STON2: variants seen among roughly 807,000 people sequenced by gnomAD.
The protein encoded by STON2 is stonin 2, also known as stonin-2.
STON2 carries 29 observed loss-of-function variants against 65.7 expected under a neutral mutation model. The ratio of observed to expected loss-of-function variants is 0.44; its 90% CI spans 0.33 to 0.60. The LOEUF (loss-of-function observed/expected upper bound fraction) is 0.60, where lower values mean the gene tolerates loss of function less well. Among genes scored for constraint, STON2 ranks in the 20% least tolerant of loss-of-function variants. STON2 has a pLI of 0.03. For missense variants in STON2, 1,054 were observed against 1,118.1 expected (o/e 0.94, Z 0.82); for synonymous variants, 404 against 414.2 (o/e 0.98, Z 0.30).
chr14:81,301,720 A>C (rs1404027547), intron 5 of STON2, among the ~76,000 whole-genome samples: 1 of 152,190 alleles, frequency 6.6e-6, no homozygotes, highest in Non-Finnish European at 1.5e-5. Flanking sequence ...TTACTCAAAA[A>C]CTTGAAGGGT....
intron 4 of STON2, among the ~76,000 whole-genome samples, chr14:81,342,493 C>G (rs1232372118): frequency 1.3e-5 from 2 of 152,144 alleles, no homozygotes; most frequent in Non-Finnish European, 1.5e-5. Context: ...TGTCACAGTG[C>G]AGGGCAAGGT....
rs542816841 is a variant in STON2 at position 81,349,774 on chromosome 14, C to A, written c.571+21214G>T. ...TCTGTTTATCAAAGGTGTATCAGCA[C>A]CCCCATGTTTATTGTATCACTATTT... On this transcript the variant is annotated intron_variant, in intron 4 of 7. Coordinates refer to ENST00000614646, the MANE Select transcript of STON2 (RefSeq NM_001394390.1). 5.9e-5 allele frequency among the ~76,000 whole-genome samples: 9 copies of A among 152,176 alleles called. No individual in the cohort carries two copies. In the East Asian group the frequency reaches 1.4e-3, roughly 23 times the overall value.
chr14:81,390,824 G>A (rs1900045946), intron 3 of STON2, among the ~76,000 whole-genome samples: 1 of 152,212 alleles, frequency 6.6e-6, no homozygotes, highest in Non-Finnish European at 1.5e-5. Context: ...GAATCACTGT[G>A]CTAAAATCAA....
rs1894311681 is a variant in STON2 at position 81,265,241 on chromosome 14, C to G, written c.*3173G>C. ...AAACCTAGTAAAACACTCATTACGT[C>G]TAAAAATATATAGTATTATTATCCC... On this transcript the variant is annotated 3_prime_UTR_variant, in exon 8 of 8. Coordinates refer to ENST00000614646, the MANE Select transcript of STON2 (RefSeq NM_001394390.1). The G allele has an allele frequency of 1.0e-6, 1 of 983,920 alleles. No individual in the cohort carries two copies. Among genetic ancestry groups the G allele is most frequent in the Non-Finnish European group, 1.2e-6 (1 of 828,644 alleles). The allele number at this position is 983,920 out of a possible 1,614,324, so 60.9% of individuals were successfully genotyped here.
intron 5 of STON2, among the ~76,000 whole-genome samples, chr14:81,280,605 C>T (rs187402310): frequency 3.3e-4 from 51 of 152,244 alleles, no homozygotes; most frequent in African/African-American, 7.2e-5. Flanking sequence ...TCAGCAATGC[C>T]GCACATAATT....
intron 4 of STON2, among the ~76,000 whole-genome samples, chr14:81,339,873 C>T (rs563053620): frequency 5.9e-5 from 9 of 152,120 alleles, no homozygotes; most frequent in Non-Finnish European, 1.2e-4. Context: ...AGCTGAGTAA[C>T]GCTGGGCGTG....
chr14:81,420,295 C>T (rs1164693526), intron 2 of STON2, among the ~76,000 whole-genome samples: 1 of 152,162 alleles, frequency 6.6e-6, no homozygotes, highest in Non-Finnish European at 1.5e-5. Flanking sequence ...AGAATCAATG[C>T]TGGTATGCAA....
rs747989731 is a variant in STON2 at position 81,270,852 on chromosome 14, AAC to A, written c.2600_2601del (p.Cys867PhefsTer6). On this transcript the variant is annotated frameshift_variant, in exon 7 of 8. Coordinates refer to ENST00000614646, the MANE Select transcript of STON2 (RefSeq NM_001394390.1). LOFTEE classifies it high-confidence loss of function. ...DKNSASGHPH[C>X]FFCHLELGSD... ...GAGCCGAGTTCAAGGTGGCAAAAGA[AAC>A]AGTGTGGGTGACCGGAAGCTATGAA... The A allele has an allele frequency of 6.2e-7, 1 of 1,613,310 alleles. No homozygotes were observed.
chr14:81,279,659 C>A (rs565525605), intron 5 of STON2, among the ~76,000 whole-genome samples: 26 of 151,770 alleles, frequency 1.7e-4, no homozygotes, highest in Non-Finnish European at 3.2e-4. Context: ...CCACTGCACT[C>A]CAGCCTGGGC....
At chr14:81,270,952 T>G (rs1894561669) in intron 6 of STON2, 80 bp from the exon 7 acceptor site, 9 of 1,528,682 alleles carry the variant, frequency 5.9e-6, no homozygotes, top group Non-Finnish European at 7.9e-6. Flanking sequence ...ACTTTGGTAA[T>G]AAAGGAGGCC....
chr14:81,294,699 G>T (rs1390378120), intron 5 of STON2, among the ~76,000 whole-genome samples: 23 of 152,120 alleles, frequency 1.5e-4, no homozygotes. Context: ...GAATTGTGGG[G>T]CCTTTGATAA....
intron 3 of STON2, 135 bp from the exon 4 acceptor site, chr14:81,371,320 T>C (rs1172350068): frequency 2.6e-6 from 2 of 780,772 alleles, no homozygotes; most frequent in Non-Finnish European, 2.0e-6. Context: ...AAGTCTTGTA[T>C]GGAGAGTATC....
Position 81,264,979 on chromosome 14 carries a change from ATATCTAAT to A in STON2, c.*3427_*3434del, listed in dbSNP as rs1033263260. The A allele has an allele frequency of 1.4e-5, 14 of 984,548 alleles. No homozygotes were observed. In the African/African-American group the frequency reaches 2.3e-4, roughly 16 times the overall value. The allele number at this position is 984,548 out of a possible 1,614,324, so 61.0% of individuals were successfully genotyped here. A position where few individuals can be genotyped will look rare whatever the true frequency, so the allele number is the denominator to read the frequency against. On this transcript the variant is annotated 3_prime_UTR_variant, in exon 8 of 8. Coordinates refer to ENST00000614646, the MANE Select transcript of STON2 (RefSeq NM_001394390.1). ...AAAGCACAGCTCTTGATACCACGTG[ATATCTAAT>A]TTATGTTCTAAGAGTAATACTATGT...
At chr14:81,355,182 A>G (rs1402934199) in intron 4 of STON2, among the ~76,000 whole-genome samples, 1 of 152,144 alleles carries the variant, frequency 6.6e-6, no homozygotes, top group Non-Finnish European at 1.5e-5. Context: ...CACAACAGAA[A>G]TTCAAGAAGG....
chr14:81,326,383 G>A (rs573229335), intron 4 of STON2, among the ~76,000 whole-genome samples: 1 of 152,294 alleles, frequency 6.6e-6, no homozygotes, highest in South Asian at 2.1e-4. Context: ...CTCAGATTTT[G>A]CGAGATTGGC....
At chr14:81,373,666 A>G (rs1431799975) in intron 3 of STON2, among the ~76,000 whole-genome samples, 1 of 152,186 alleles carries the variant, frequency 6.6e-6, no homozygotes, top group East Asian at 1.9e-4. Context: ...TCTCTTATGA[A>G]GAAGGCAAAC....
intron 4 of STON2, among the ~76,000 whole-genome samples, chr14:81,370,108 A>C (rs1008346509): frequency 1.3e-5 from 2 of 152,230 alleles, no homozygotes; most frequent in Non-Finnish European, 2.9e-5. Context: ...ATCGCTCTCT[A>C]TACTTGTAGA....
chr14:81,283,499 G>A (rs138741644), intron 5 of STON2, among the ~76,000 whole-genome samples: 4 of 149,462 alleles, frequency 2.7e-5, no homozygotes, highest in Non-Finnish European at 5.9e-5. Flanking sequence ...GGCATACCTC[G>A]TCTTTTTGTA....
intron 3 of STON2, among the ~76,000 whole-genome samples, chr14:81,385,895 T>C (rs181217794): frequency 7.2e-4 from 110 of 152,228 alleles, no homozygotes; most frequent in African/African-American, 2.4e-3. Flanking sequence ...GTGAAGACAT[T>C]TGAAGCAGAA....
Sources: gnomAD v4.1 joint callset for allele counts (sites outside exome capture counted in the v4.1 genomes callset) on GRCh38, gnomAD v4.1.1 for gene constraint, MANE v1.5 for transcripts, NCBI Gene and HGNC (gene_info 2026-07-23, HGNC 2026-07-21) for gene names.